Variants in EGFR observed in about 807,000 individuals in gnomAD.
The protein encoded by EGFR is avian erythroblastic leukemia viral (v-erb-b) oncogene homolog.
In EGFR, 58 loss-of-function variants were observed where a neutral mutation model predicts 143.0. The ratio of observed to expected loss-of-function variants is 0.41; its 90% CI spans 0.33 to 0.50. The LOEUF (loss-of-function observed/expected upper bound fraction) is 0.50. Among genes scored for constraint, EGFR ranks in the 20% least tolerant of loss-of-function variants. The pLI is 0.39. For missense variants in EGFR, 1,307 were observed against 1,579.0 expected (o/e 0.83, Z 2.92); for synonymous variants, 613 against 594.4 (o/e 1.03, Z -0.45).
intron 19 of EGFR, chr7:55,179,669 T>C (rs925946754): frequency 1.7e-4 from 26 of 152,214 alleles, no homozygotes; most frequent in Admixed American, 9.2e-4. Context: ...TTTTAGTAAA[T>C]ATTTACAGTT....
chr7:55,139,463 A>C (rs1794334444), intron 1 of EGFR, among the ~76,000 whole-genome samples: 1 of 152,198 alleles, frequency 6.6e-6, no homozygotes. Context: ...ACCTAGACCA[A>C]GTCATTGTGA....
intron 1 of EGFR, among the ~76,000 whole-genome samples, chr7:55,131,708 G>C (rs1793847436): frequency 6.6e-6 from 1 of 152,188 alleles, no homozygotes; most frequent in South Asian, 2.1e-4. Flanking sequence ...TCAGTACTGA[G>C]AGTTGCATGT....
In EGFR at chr7:55,142,313, C is replaced by T. The variant is rs375919121; in HGVS notation, c.116C>T (p.Thr39Met). Reference protein sequence around the residue: ...KVCQGTSNKLTQLGTFEDHFL... With the variant: ...KVCQGTSNKLMQLGTFEDHFL... ...TGCCAAGGCACGAGTAACAAGCTCACGCAGTTGGGCACTTTTGAAGATCAT... is the reference window on the plus strand; with the variant it reads ...TGCCAAGGCACGAGTAACAAGCTCATGCAGTTGGGCACTTTTGAAGATCAT... The change falls in exon 2 of 28, where the codon ACG becomes ATG. Residue 39 changes from threonine to methionine, a missense_variant. Physicochemically the swap from Thr to Met is moderately conservative, Grantham distance 81 (BLOSUM62 -1). Transcript: ENST00000275493. The T allele has an allele frequency of 3.1e-6, 5 of 1,614,188 alleles. No individual in the cohort carries two copies. Among genetic ancestry groups the T allele is most frequent in the Non-Finnish European group, 4.2e-6 (5 of 1,180,034 alleles).
intron 1 of EGFR, among the ~76,000 whole-genome samples, chr7:55,110,429 A>G (rs1002013870): frequency 1.3e-5 from 2 of 152,176 alleles, no homozygotes; most frequent in African/African-American, 2.4e-5. Context: ...GTCCTCACAC[A>G]TGGGGCAGCT....
intron 1 of EGFR, among the ~76,000 whole-genome samples, chr7:55,061,950 C>T (rs1789210041): frequency 6.6e-6 from 1 of 152,138 alleles, no homozygotes; most frequent in Admixed American, 6.5e-5. Context: ...TTGAGGTTCG[C>T]TCATCGCTGG....
At chr7:55,160,747 A>G (rs909271544) in intron 12 of EGFR, among the ~76,000 whole-genome samples, 7 of 152,186 alleles carry the variant, frequency 4.6e-5, no homozygotes. Context: ...CAGCTTTTGA[A>G]GCTGGTGAGA....
chr7:55,158,389 C>T (rs1308014291), intron 11 of EGFR, among the ~76,000 whole-genome samples: 1 of 152,070 alleles, frequency 6.6e-6, no homozygotes, highest in Non-Finnish European at 1.5e-5. Context: ...GAACTGCTGC[C>T]CCTACTTGAC....
chr7:55,060,815 G>T (rs1452186555), intron 1 of EGFR, among the ~76,000 whole-genome samples: 1 of 152,188 alleles, frequency 6.6e-6, no homozygotes, highest in Non-Finnish European at 1.5e-5. Flanking sequence ...AGAGACAAGG[G>T]CTCAATGCCA....
At position 55,153,994 on chromosome 7, in the gene EGFR, T is replaced by C. The variant is rs1052019033; in HGVS notation, c.748-17T>C. On this transcript the variant is annotated splice_polypyrimidine_tract_variant and intron_variant, in intron 6 of 27. Coordinates refer to ENST00000275493, the MANE Select transcript of EGFR (RefSeq NM_005228.5). ...GTACTTACCTCACTTGCCCAGCGTG[T>C]CCTCTCTCCTCCATAGGTCTGCCGC... The C allele has an allele frequency of 6.2e-7, 1 of 1,614,030 alleles. No homozygotes were observed. The highest frequency in any genetic ancestry group is 8.5e-7 in the Non-Finnish European group (1 of 1,180,032).
intron 1 of EGFR, among the ~76,000 whole-genome samples, chr7:55,079,802 C>T (rs1790360330): frequency 6.6e-6 from 1 of 152,014 alleles, no homozygotes; most frequent in South Asian, 2.1e-4. Flanking sequence ...TCCAGGGTCC[C>T]GCCACTCCAG....
intron 1 of EGFR, among the ~76,000 whole-genome samples, chr7:55,030,854 T>C (rs1787205527): frequency 1.3e-5 from 2 of 152,198 alleles, no homozygotes; most frequent in Admixed American, 1.3e-4. Context: ...GAAGAGATGG[T>C]TTCACACATC....
chr7:55,184,783 A>G (rs994895049), intron 20 of EGFR, among the ~76,000 whole-genome samples: 3 of 152,238 alleles, frequency 2.0e-5, no homozygotes, highest in African/African-American at 4.8e-5. Flanking sequence ...CTGTATTTGA[A>G]TAGTTGCAAT....
chr7:55,122,531 G>A (rs534310691), intron 1 of EGFR, among the ~76,000 whole-genome samples: 2 of 152,346 alleles, frequency 1.3e-5, no homozygotes, highest in South Asian at 2.1e-4. Flanking sequence ...TCTGAGCTCC[G>A]CTCACTTTTG....
intron 1 of EGFR, among the ~76,000 whole-genome samples, chr7:55,068,338 AT>A (rs1789636376): frequency 6.6e-6 from 1 of 152,192 alleles, no homozygotes; most frequent in Non-Finnish European, 1.5e-5. Context: ...CAAAGAGGAG[AT>A]TTTAAAATGT....
intron 1 of EGFR, among the ~76,000 whole-genome samples, chr7:55,026,024 C>T (rs2128858972): frequency 6.6e-6 from 1 of 152,176 alleles, no homozygotes; most frequent in South Asian, 2.1e-4. Context: ...GCTTTTGAAC[C>T]TTGACCATGC....
intron 1 of EGFR, among the ~76,000 whole-genome samples, chr7:55,033,557 T>C (rs932127582): frequency 1.3e-5 from 2 of 152,172 alleles, no homozygotes; most frequent in Admixed American, 1.3e-4. Flanking sequence ...CAGGGTGGTG[T>C]AGAGGCTGGA....
intron 24 of EGFR, 191 bp downstream of exon 24, chr7:55,200,604 C>A (rs17337465): frequency 1.5e-6 from 1 of 656,068 alleles, no homozygotes. Context: ...GTGAGTGGGG[C>A]CCACCCAACT....
intron 15 of EGFR, among the ~76,000 whole-genome samples, chr7:55,169,585 G>T (rs185602484): frequency 5.1e-4 from 78 of 152,018 alleles, no homozygotes; most frequent in African/African-American, 1.8e-3. Flanking sequence ...AAAGAATCAA[G>T]TGGGAGCCAG....
intron 22 of EGFR, 74 bp downstream of exon 22, chr7:55,192,915 A>T (rs1170799629): frequency 8.0e-7 from 1 of 1,256,418 alleles, no homozygotes; most frequent in African/African-American, 1.5e-5. Flanking sequence ...AATTTACATT[A>T]TATCCTCTGA....
Sources: allele counts gnomAD v4.1 joint callset (sites outside exome capture counted in the v4.1 genomes callset), GRCh38; gene constraint gnomAD v4.1.1; transcripts MANE v1.5; gene names NCBI Gene and HGNC (gene_info 2026-07-23, HGNC 2026-07-21).